RHBDL3: variants seen among roughly 807,000 people sequenced by gnomAD.
RHBDL3 encodes rhomboid like 3.
In RHBDL3, 28 loss-of-function variants were observed where a neutral mutation model predicts 48.2. That is an observed-to-expected ratio of 0.58 (90% CI 0.43 to 0.80). The LOEUF (loss-of-function observed/expected upper bound fraction) is 0.80, where lower values mean the gene tolerates loss of function less well. Ranked by LOEUF, RHBDL3 falls within the 30% of genes least tolerant of loss-of-function variation. The probability of loss-of-function intolerance (pLI) is 0.00; values close to 1 mark genes in which losing one functional copy is unlikely to be tolerated. For missense variants in RHBDL3, 464 were observed against 542.7 expected (o/e 0.85, Z 1.44); for synonymous variants, 208 against 232.3 (o/e 0.90, Z 0.95).
At chr17:32,267,430 T>TGGGGGGGGGGGGGGGGGGGGGGGG (rs200339559) in intron 1 of RHBDL3, among the ~76,000 whole-genome samples, 1 of 120,652 alleles carries the variant, frequency 8.3e-6, no homozygotes, top group African/African-American at 3.4e-5. Flanking sequence ...TGAGTTCTCC[T>TGGGGGGGGGGGGGGGGGGGGGGGG]GGGGGGGGAG....
chr17:32,270,273 G>T (rs1392085149), intron 2 of RHBDL3, among the ~76,000 whole-genome samples: 2 of 152,048 alleles, frequency 1.3e-5, no homozygotes, highest in Non-Finnish European at 1.5e-5. Context: ...AATGGCATGG[G>T]TGGCTAGAAC....
chr17:32,321,208 A>G lies in RHBDL3; in HGVS notation c.1194A>G (p.Leu398=), dbSNP rs771240075. ...TCTTTGCCTACACCCTGCTGGACTT[A>G]AAGCTGCCGCCTCCCCCCTGAGGGC... is the stretch of plus-strand genomic sequence containing the variant. ...WNIFAYTLLD[L]KLPPPP is the part of the protein sequence containing the mutation. Residue 398 remains leucine, a synonymous_variant, in exon 9 of 9, where the codon TTA becomes TTG. Coordinates refer to ENST00000269051, the MANE Select transcript of RHBDL3 (RefSeq NM_138328.3). The G allele has an allele frequency of 2.5e-6, 4 of 1,614,186 alleles. No individual in the cohort carries two copies. The highest frequency in any genetic ancestry group is 2.2e-5 in the South Asian group (2 of 91,086).
chr17:32,266,707 C>T (rs533362550), intron 1 of RHBDL3, among the ~76,000 whole-genome samples: 1 of 152,184 alleles, frequency 6.6e-6, no homozygotes, highest in Non-Finnish European at 1.5e-5. Context: ...GCAGAGTCCC[C>T]GTCCCTGGCC....
Position 32,275,097 on chromosome 17 carries a change from A to G in RHBDL3, c.135+7172A>G, listed in dbSNP as rs576135226. ...CCAGAGAGACCCTTTGGTGGCTGCCAGGAGAAGCAGCGGCGGCCAGCAGTT... is the reference window on the plus strand; with the variant it reads ...CCAGAGAGACCCTTTGGTGGCTGCCGGGAGAAGCAGCGGCGGCCAGCAGTT... On this transcript the variant is annotated intron_variant, in intron 2 of 8. Transcript: ENST00000269051. Among the ~76,000 whole-genome samples, 931 of 152,246 alleles carry G rather than the reference A, an allele frequency of 6.1e-3. 17 individuals carry two copies. The highest frequency in any genetic ancestry group is 0.02 in the African/African-American group (849 of 41,562).
intron 7 of RHBDL3, among the ~76,000 whole-genome samples, chr17:32,307,421 T>C (rs2040736436): frequency 6.6e-6 from 1 of 152,232 alleles, no homozygotes; most frequent in Non-Finnish European, 1.5e-5. Flanking sequence ...CCCATGTTTT[T>C]CTTCCTTATC....
intron 2 of RHBDL3, among the ~76,000 whole-genome samples, chr17:32,277,675 G>C (rs926832724): frequency 1.6e-4 from 24 of 152,222 alleles, no homozygotes; most frequent in African/African-American, 4.6e-4. Context: ...GCTACTCATG[G>C]GGCGGAAGTG....
intron 8 of RHBDL3, among the ~76,000 whole-genome samples, chr17:32,320,153 T>C (rs972565211): frequency 2.0e-5 from 3 of 151,916 alleles, no homozygotes; most frequent in Non-Finnish European, 4.4e-5. Context: ...GGTGGGTGCC[T>C]GTAGTCCCAG....
At chr17:32,269,073 TGTG>T (rs1307411686) in intron 2 of RHBDL3, among the ~76,000 whole-genome samples, 13 of 152,074 alleles carry the variant, frequency 8.5e-5, no homozygotes, top group African/African-American at 2.9e-4. Flanking sequence ...TGGGGCCAGG[TGTG>T]GTGACTCACG....
chr17:32,290,623 A>G (rs1168319297), intron 4 of RHBDL3, among the ~76,000 whole-genome samples: 2 of 152,214 alleles, frequency 1.3e-5, no homozygotes, highest in African/African-American at 4.8e-5. Context: ...GTCCACTACC[A>G]GCAAGCAATA....
intron 1 of RHBDL3, among the ~76,000 whole-genome samples, chr17:32,267,440 G>A (rs1318314262): frequency 2.8e-5 from 3 of 106,704 alleles, no homozygotes; most frequent in East Asian, 2.0e-4. Flanking sequence ...TGGGGGGGGA[G>A]GGGGGGGCTC....
intron 2 of RHBDL3, among the ~76,000 whole-genome samples, chr17:32,273,447 T>C (rs140244707): frequency 1.3e-5 from 2 of 152,346 alleles, no homozygotes; most frequent in Non-Finnish European, 2.9e-5. Context: ...ACTTAGTTGG[T>C]GCCTTGAGTA....
intron 4 of RHBDL3, among the ~76,000 whole-genome samples, chr17:32,293,414 T>C (rs1028991507): frequency 6.6e-6 from 1 of 152,008 alleles, no homozygotes; most frequent in African/African-American, 2.4e-5. Flanking sequence ...AAACCCCATC[T>C]CTACTAAAAA....
chr17:32,303,730 A>C (rs1468429977), intron 6 of RHBDL3, among the ~76,000 whole-genome samples: 1 of 149,988 alleles, frequency 6.7e-6, no homozygotes, highest in African/African-American at 2.4e-5. Flanking sequence ...GAAGGAGCTC[A>C]GTGAGTAGGG....
Position 32,288,910 on chromosome 17 carries a change from A to C in RHBDL3, c.413A>C (p.His138Pro). 2 of 1,614,242 alleles carry C rather than the reference A, an allele frequency of 1.2e-6. No homozygotes were observed. Among genetic ancestry groups the C allele is most frequent in the Non-Finnish European group, 1.7e-6 (2 of 1,180,052 alleles). Residue 138 changes from histidine to proline, a missense_variant, in exon 4 of 9, where the codon CAT (histidine) becomes CCT (proline). Transcript: ENST00000269051. ...GLSLSQRLIR[H>P]VAYETLPREI... The stretch of plus-strand genomic sequence containing the variant: ...AGCCTCTCGCAGCGACTTATCCGCC[A>C]TGTGGCCTATGAGACCCTGCCCCGG...
intron 7 of RHBDL3, 44 bp from the exon 8 acceptor site, chr17:32,316,188 G>A (rs748265897): frequency 1.4e-6 from 2 of 1,398,318 alleles, no homozygotes; most frequent in South Asian, 2.3e-5. Context: ...ACCGGCAGAA[G>A]AGTGGTCTAA....
chr17:32,289,724 C>T (rs918070323), intron 4 of RHBDL3, among the ~76,000 whole-genome samples: 3 of 152,216 alleles, frequency 2.0e-5, no homozygotes, highest in Non-Finnish European at 4.4e-5. Context: ...CTTTTGGGTC[C>T]TCCACTCAAC....
intron 5 of RHBDL3, among the ~76,000 whole-genome samples, chr17:32,295,269 G>A (rs1333040470): frequency 6.6e-6 from 1 of 152,216 alleles, no homozygotes; most frequent in East Asian, 1.9e-4. Flanking sequence ...GGCCAAGAGG[G>A]AGTTGTCCCA....
rs1203829553 is a variant in RHBDL3 at position 32,321,044 on chromosome 17, T to C, written c.1030T>C (p.Leu344=). 6.2e-7 allele frequency: 1 copy of C among 1,614,100 alleles called. No homozygotes were observed. Among genetic ancestry groups the C allele is most frequent in the Non-Finnish European group, 8.5e-7 (1 of 1,180,030 alleles). ...PCPHPSFVAH[L]GGVAVGITLG... is the part of the protein sequence containing the mutation. ...CCCTCACCCAAGCTTTGTGGCGCAC[T>C]TGGGTGGCGTGGCCGTGGGCATCAC... Residue 344 remains leucine (L), a synonymous_variant, in exon 9 of 9, where the codon TTG becomes CTG. Transcript: ENST00000269051.
chr17:32,276,122 T>TA (rs1048855463), intron 2 of RHBDL3, among the ~76,000 whole-genome samples: 10 of 151,358 alleles, frequency 6.6e-5, no homozygotes, highest in African/African-American at 2.2e-4. Context: ...GGCATGAGAA[T>TA]AAAAAAACAA....
Sources: gnomAD v4.1 joint callset for allele counts (sites outside exome capture counted in the v4.1 genomes callset) on GRCh38, gnomAD v4.1.1 for gene constraint, MANE v1.5 for transcripts, NCBI Gene and HGNC (gene_info 2026-07-23, HGNC 2026-07-21) for gene names.